CFAP58: variants seen among roughly 807,000 people sequenced by gnomAD.
The protein encoded by CFAP58 is cilia and flagella associated protein 58.
In CFAP58, 88 loss-of-function variants were observed where a neutral mutation model predicts 119.5. The ratio of observed to expected loss-of-function variants is 0.74; its 90% confidence interval spans 0.62 to 0.88. CFAP58 has a LOEUF of 0.88. Among genes scored for constraint, CFAP58 ranks in the 40% least tolerant of loss-of-function variants. The pLI is 0.00. For missense variants in CFAP58, 990 were observed against 1,021.2 expected (o/e 0.97, Z 0.42); for synonymous variants, 365 against 366.3 (o/e 1.00, Z 0.04).
chr10:104,454,584 C>T lies in CFAP58; in HGVS notation c.*54C>T. ...ACAACTCATGAAATCTGCTCTGGGA[C>T]ATTTTGGGGGAATCTCAAAGTCCTT... On this transcript the variant is annotated 3_prime_UTR_variant, in exon 18 of 18. Coordinates refer to ENST00000369704, the MANE Select transcript of CFAP58 (RefSeq NM_001008723.2). The T allele has an allele frequency of 7.6e-7, 1 of 1,316,682 alleles. No individual in the cohort carries two copies. Among genetic ancestry groups the T allele is most frequent in the Non-Finnish European group, 1.1e-6 (1 of 911,982 alleles). The allele number at this position is 1,316,682 out of a possible 1,614,324, so 81.6% of individuals were successfully genotyped here.
chr10:104,421,107 C>A (rs759150085), intron 15 of CFAP58, among the ~76,000 whole-genome samples: 1 of 152,080 alleles, frequency 6.6e-6, no homozygotes, highest in Admixed American at 6.6e-5. Flanking sequence ...ACATCTTAAA[C>A]GTCAGAAGTC....
At chr10:104,348,850 G>T (rs960353618), upstream of CFAP58, among the ~76,000 whole-genome samples, 2 of 152,202 alleles carry the variant, frequency 1.3e-5, no homozygotes, top group African/African-American at 4.8e-5. Context: ...AACTCATTCA[G>T]TAGTGATTCA....
intron 15 of CFAP58, among the ~76,000 whole-genome samples, chr10:104,431,465 T>G (rs903278328): frequency 1.3e-5 from 2 of 152,194 alleles, no homozygotes; most frequent in African/African-American, 4.8e-5. Flanking sequence ...ATAAATATAT[T>G]TCTACATATT....
chr10:104,367,544 CATA>C (rs2135257404), intron 5 of CFAP58, among the ~76,000 whole-genome samples: 1 of 117,424 alleles, frequency 8.5e-6, no homozygotes, highest in East Asian at 2.1e-4. Flanking sequence ...GAGCATGAAA[CATA>C]AGAGAGGCTT....
intron 8 of CFAP58, among the ~76,000 whole-genome samples, chr10:104,377,473 G>A (rs1368729663): frequency 6.6e-6 from 1 of 152,148 alleles, no homozygotes; most frequent in Non-Finnish European, 1.5e-5. Flanking sequence ...TTAAATGTAG[G>A]ACCCCTCCTT....
intron 15 of CFAP58, among the ~76,000 whole-genome samples, chr10:104,429,883 T>TC (rs368063283): frequency 2.0e-5 from 3 of 151,776 alleles, no homozygotes; most frequent in Non-Finnish European, 4.4e-5. Context: ...TTTTTTTTTT[T>TC]CCCACAGCCT....
upstream of CFAP58, chr10:104,351,774 C>A: frequency 6.6e-6 from 1 of 151,732 alleles, no homozygotes; most frequent in African/African-American, 2.4e-5. Flanking sequence ...TTAAGGAGGT[C>A]TAAATAATAC....
chr10:104,428,404 T>C (rs535599519), intron 15 of CFAP58, among the ~76,000 whole-genome samples: 37 of 152,020 alleles, frequency 2.4e-4, no homozygotes, highest in Non-Finnish European at 4.6e-4. Flanking sequence ...CTATGAAACA[T>C]TGGAGGGAAA....
At chr10:104,357,816 T>TACATATATACACATATATGTAC (rs2014567993) in intron 1 of CFAP58, among the ~76,000 whole-genome samples, 5 of 148,732 alleles carry the variant, frequency 3.4e-5, no homozygotes, top group African/African-American at 1.3e-4. Context: ...CATATATATG[T>TACATATATACACATATATGTAC]ACATATATAC....
chr10:104,442,412 AC>A (rs1423137200), intron 15 of CFAP58, among the ~76,000 whole-genome samples: 4 of 152,028 alleles, frequency 2.6e-5, no homozygotes, highest in African/African-American at 9.7e-5. Flanking sequence ...ACATGGTGAA[AC>A]CCCATCTCTA....
chr10:104,415,899 G>C (rs2012544406), intron 15 of CFAP58, among the ~76,000 whole-genome samples: 1 of 152,208 alleles, frequency 6.6e-6, no homozygotes, highest in South Asian at 2.1e-4. Flanking sequence ...CACACCCTGA[G>C]TGTGTTCTAA....
At chr10:104,343,995 G>A in the CFAP58 span, among the ~76,000 whole-genome samples, 4 of 152,098 alleles carry the variant, frequency 2.6e-5, no homozygotes, top group South Asian at 2.1e-4. Context: ...CTCCTTCCTC[G>A]GCCTCCCAAA....
Position 104,451,781 on chromosome 10 carries a change from G to A in CFAP58, c.2510+1577G>A, listed in dbSNP as rs149050408. ...GACAGAGTCTTACTGTGTCACCCAGGCTGGAGTGCAGTGGCACCATCTTGG... is the reference window on the plus strand; with the variant it reads ...GACAGAGTCTTACTGTGTCACCCAGACTGGAGTGCAGTGGCACCATCTTGG... On this transcript the variant is annotated intron_variant, in intron 17 of 17. Transcript: ENST00000369704. Among the ~76,000 whole-genome samples, 353 of 152,300 alleles carry A rather than the reference G, an allele frequency of 2.3e-3. 11 individuals carry two copies. In the East Asian group the frequency reaches 0.061, roughly 26 times the overall value.
intron 7 of CFAP58, among the ~76,000 whole-genome samples, chr10:104,372,498 A>C (rs1389655391): frequency 6.6e-6 from 1 of 152,188 alleles, no homozygotes; most frequent in Non-Finnish European, 1.5e-5. Context: ...CTGTTCATGC[A>C]TTCAGTAAAT....
intron 15 of CFAP58, among the ~76,000 whole-genome samples, chr10:104,415,735 G>A (rs2012541400): frequency 6.6e-6 from 1 of 152,188 alleles, no homozygotes; most frequent in Admixed American, 6.5e-5. Context: ...CTCACTCAGT[G>A]ATTCACCTAA....
intron 15 of CFAP58, among the ~76,000 whole-genome samples, chr10:104,433,522 G>A (rs969258135): frequency 1.3e-5 from 2 of 152,310 alleles, no homozygotes; most frequent in African/African-American, 4.8e-5. Context: ...ACCAAGGCAA[G>A]AAGCCTCAGG....
intron 9 of CFAP58, among the ~76,000 whole-genome samples, chr10:104,387,404 G>T (rs1476575802): frequency 2.0e-5 from 3 of 152,186 alleles, no homozygotes; most frequent in Non-Finnish European, 4.4e-5. Flanking sequence ...ACAGGCACAT[G>T]TCATGTCTCT....
At chr10:104,374,259 A>C (rs986688708) in intron 7 of CFAP58, among the ~76,000 whole-genome samples, 7 of 151,658 alleles carry the variant, frequency 4.6e-5, no homozygotes, top group African/African-American at 1.7e-4. Context: ...CGGGAGTCTG[A>C]GACCAGCCTG....
chr10:104,365,960 G>A lies in CFAP58; in HGVS notation c.744G>A (p.Lys248=), dbSNP rs147073097. The A allele has an allele frequency of 5.4e-4, 876 of 1,610,076 alleles. No homozygotes were observed. Among genetic ancestry groups the A allele is most frequent in the Non-Finnish European group, 6.8e-4 (802 of 1,178,142 alleles). The change falls in exon 5 of 18, where the codon AAG becomes AAA. Residue 248 remains lysine (K), a synonymous_variant. Coordinates refer to ENST00000369704, the MANE Select transcript of CFAP58 (RefSeq NM_001008723.2). ...EIKALQQYVQ[K]SKEELQKLEQ... ...AAGCCCTGCAGCAGTATGTGCAGAA[G>A]AGCAAGGAGGAGCTTCAGAAGCTGG...
Sources: gnomAD v4.1 joint callset for allele counts (sites outside exome capture counted in the v4.1 genomes callset) on GRCh38, gnomAD v4.1.1 for gene constraint, MANE v1.5 for transcripts, NCBI Gene and HGNC (gene_info 2026-07-23, HGNC 2026-07-21) for gene names.